The following ITPR2 variants were observed in gnomAD, a reference collection of about 807,000 sequenced individuals.
ITPR2 encodes the protein inositol 1,4,5-trisphosphate receptor type 2, also known as inositol 1,4,5-trisphosphate-gated calcium channel ITPR2.
In ITPR2, 207 loss-of-function variants were observed where a neutral mutation model predicts 317.1. The observed-to-expected ratio is 0.65, with a 90% CI of 0.58 to 0.73. The LOEUF (loss-of-function observed/expected upper bound fraction) is 0.73, where lower values mean the gene tolerates loss of function less well. Among genes scored for constraint, ITPR2 ranks in the 30% least tolerant of loss-of-function variants. The pLI, the probability that ITPR2 is intolerant of heterozygous loss-of-function variation, is 0.00. For missense variants in ITPR2, 2,613 were observed against 3,284.0 expected (o/e 0.80, Z 4.99); for synonymous variants, 1,156 against 1,149.1 (o/e 1.01, Z -0.12).
At chr12:26,442,876 C>A (rs1037451334) in intron 46 of ITPR2, among the ~76,000 whole-genome samples, 7 of 152,086 alleles carry the variant, frequency 4.6e-5, no homozygotes, top group African/African-American at 1.2e-4. Flanking sequence ...GAGTGACAAG[C>A]GTCAACTACT....
rs751560256 is a variant in ITPR2 at position 26,663,635 on chromosome 12, T to C, written c.1713+50A>G. The C allele has an allele frequency of 4.3e-5, 65 of 1,504,744 alleles. No individual in the cohort carries two copies. The Admixed American group carries it at 5.8e-4, about 14-fold the overall frequency. The allele number at this position is 1,504,744 out of a possible 1,614,324, so 93.2% of individuals were successfully genotyped here. ...CTGTAGAATTATAACCAAAGAACCT[T>C]GCCCATACTTTACATATGAAACAGT... On this transcript the variant is annotated intron_variant, in intron 15 of 56. Transcript: ENST00000381340.
intron 32 of ITPR2, among the ~76,000 whole-genome samples, chr12:26,592,565 A>G (rs2137105544): frequency 6.6e-6 from 1 of 152,328 alleles, no homozygotes; most frequent in Non-Finnish European, 1.5e-5. Flanking sequence ...ATTTAAAAAG[A>G]AAAAGAAAAA....
chr12:26,766,550 T>G (rs1949723373), intron 2 of ITPR2, among the ~76,000 whole-genome samples: 1 of 152,186 alleles, frequency 6.6e-6, no homozygotes, highest in African/African-American at 2.4e-5. Flanking sequence ...TGGAAATATC[T>G]TCTCCCTTTC....
intron 46 of ITPR2, among the ~76,000 whole-genome samples, chr12:26,440,080 C>G (rs1018372724): frequency 6.6e-6 from 1 of 152,144 alleles, no homozygotes; most frequent in African/African-American, 2.4e-5. Context: ...AATTCTGCTT[C>G]CCTTTGCCAC....
At position 26,471,435 on chromosome 12, in the gene ITPR2, T is replaced by C. The variant is rs998117422; in HGVS notation, c.6342+3861A>G. Among the ~76,000 whole-genome samples the C allele has an allele frequency of 6.6e-5, 10 of 152,170 alleles. No individual in the cohort carries two copies. In the South Asian group the frequency reaches 1.0e-3, roughly 16 times the overall value. On this transcript the variant is annotated intron_variant, in intron 45 of 56. Coordinates refer to ENST00000381340, the MANE Select transcript of ITPR2 (RefSeq NM_002223.4). ...AGACATAAGGTAAACACGCAGAAGA[T>C]AGAAAGTCAAAAAGTGCACATAGTT...
At chr12:26,394,669 T>C (rs1939942124) in intron 54 of ITPR2, among the ~76,000 whole-genome samples, 1 of 152,172 alleles carries the variant, frequency 6.6e-6, no homozygotes, top group African/African-American at 2.4e-5. Context: ...TTATAGACTG[T>C]GCAATGTTAT....
chr12:26,596,914 C>T lies in ITPR2; in HGVS notation c.4223G>A (p.Arg1408Lys). 1 of 1,576,054 alleles carries T rather than the reference C, an allele frequency of 6.3e-7. No individual in the cohort carries two copies. The highest frequency in any genetic ancestry group is 2.2e-5 in the East Asian group (1 of 44,496). The change falls in exon 31 of 57, where the codon AGG becomes AAG. Residue 1408 changes from arginine (R) to lysine (K), a missense_variant. Transcript: ENST00000381340. The part of the protein sequence containing the change: ...NSLLPLDDIV[R>K]VVTHDDCIPE... ...GATGCAGTCGTCATGGGTCACCACCCTCACTATGTCGTCCAGCGGGAGAAG... is the reference window on the plus strand; with the variant it reads ...GATGCAGTCGTCATGGGTCACCACCTTCACTATGTCGTCCAGCGGGAGAAG...
At position 26,831,626 on chromosome 12, in the gene ITPR2, CAGAGA is replaced by C. The variant is rs1951102095; in HGVS notation, c.92+1059_92+1063del. ...TGCACACTGCTATTCCCAATCAGAA[CAGAGA>C]AAACAAGGAAGTCCTATTTAACCAT... On this transcript the variant is annotated intron_variant, in intron 1 of 56. Transcript: ENST00000381340. The surrounding 1 kb of genome is among the most constrained non-coding windows in gnomAD (Gnocchi z 4.9). Among the ~76,000 whole-genome samples, 1 of 149,328 alleles carries C rather than the reference CAGAGA, an allele frequency of 6.7e-6. No individual in the cohort carries two copies. The highest frequency in any genetic ancestry group is 6.8e-5 in the Admixed American group (1 of 14,722).
chr12:26,400,196 T>C lies in ITPR2; in HGVS notation c.7462A>G (p.Thr2488Ala). The C allele has an allele frequency of 1.2e-6, 2 of 1,611,672 alleles. No homozygotes were observed. The highest frequency in any genetic ancestry group is 1.7e-6 in the Non-Finnish European group (2 of 1,178,296). Residue 2488 changes from threonine (T) to alanine (A), a missense_variant, in exon 53 of 57, where the codon ACC (threonine) becomes GCC (alanine). This residue lies in a region of ITPR2 where 113 missense variants were observed against 129.2 expected (regional missense o/e 0.87). Transcript: ENST00000381340. ...TTCCTGAGGCCCTGGTTCAGCACGG[T>C]GACAATGCACATAAGGAGAGTGTCA... ...TCDTLLMCIV[T>A]VLNQGLRNGG...
At chr12:26,783,289 C>T in intron 2 of ITPR2, among the ~76,000 whole-genome samples, 1 of 152,178 alleles carries the variant, frequency 6.6e-6, no homozygotes, top group East Asian at 1.9e-4. Flanking sequence ...ATGAAATAGT[C>T]AAGTGACAAA....
intron 8 of ITPR2, 68 bp from the exon 9 acceptor site, chr12:26,711,336 T>C (rs1323644809): frequency 1.0e-6 from 1 of 1,003,316 alleles, no homozygotes; most frequent in Non-Finnish European, 1.6e-6. Flanking sequence ...ACACCAACAG[T>C]TTACATGCCT....
intron 1 of ITPR2, among the ~76,000 whole-genome samples, chr12:26,803,681 T>G (rs865921566): frequency 6.6e-6 from 1 of 152,206 alleles, no homozygotes; most frequent in African/African-American, 2.4e-5. Context: ...CACACTACAA[T>G]GCAGTCAGTG....
In ITPR2 at chr12:26,565,751, T is replaced by C. The variant is rs1050804840; in HGVS notation, c.4631-3799A>G. ...CCAGGAGTTTGAGGTTGTAGTACAC[T>C]GTGATGCGAATAGCCACTGCATCTA... On this transcript the variant is annotated intron_variant, in intron 34 of 56. Transcript: ENST00000381340. Among the ~76,000 whole-genome samples, 11 of 150,120 alleles carry C rather than the reference T, an allele frequency of 7.3e-5. No homozygotes were observed. The South Asian group carries it at 1.3e-3, about 17-fold the overall frequency.
intron 55 of ITPR2, among the ~76,000 whole-genome samples, chr12:26,370,672 T>C (rs11048484): frequency 6.7e-6 from 1 of 149,866 alleles, no homozygotes; most frequent in Admixed American, 6.8e-5. Context: ...GTTGTTGTTG[T>C]TTGTTGTTTG....
chr12:26,582,659 C>T (rs998399707), intron 32 of ITPR2, among the ~76,000 whole-genome samples: 21 of 152,154 alleles, frequency 1.4e-4, no homozygotes, highest in African/African-American at 4.3e-4. Flanking sequence ...TGCAAAGTTA[C>T]TGTTTTCACT....
At chr12:26,543,294 A>T (rs1382291175) in intron 37 of ITPR2, among the ~76,000 whole-genome samples, 1 of 152,088 alleles carries the variant, frequency 6.6e-6, no homozygotes, top group African/African-American at 2.4e-5. Context: ...AATACACAGA[A>T]CGAAGGCACA....
At chr12:26,431,737 T>C (rs775042291) in intron 48 of ITPR2, among the ~76,000 whole-genome samples, 14 of 152,204 alleles carry the variant, frequency 9.2e-5, no homozygotes, top group Admixed American at 5.9e-4. Flanking sequence ...ACTCTCTCAG[T>C]TAATATCATA....
intron 2 of ITPR2, among the ~76,000 whole-genome samples, chr12:26,746,573 G>A (rs1440597969): frequency 1.3e-5 from 2 of 152,126 alleles, no homozygotes; most frequent in East Asian, 3.9e-4. Context: ...TTCATCTGTA[G>A]ATTCATACCA....
At chr12:26,647,681 C>A (rs188441403) in intron 21 of ITPR2, among the ~76,000 whole-genome samples, 1 of 152,190 alleles carries the variant, frequency 6.6e-6, no homozygotes, top group Admixed American at 6.5e-5. Context: ...GAGAGCAAAT[C>A]GTAAGTATTA....
Sources: allele counts gnomAD v4.1 joint callset (sites outside exome capture counted in the v4.1 genomes callset), GRCh38; gene constraint gnomAD v4.1.1; regional missense constraint gnomAD v4.1.1; non-coding constraint Gnocchi (gnomAD v3.1); transcripts MANE v1.5; gene names NCBI Gene and HGNC (gene_info 2026-07-23, HGNC 2026-07-21).